IQSEC1: variants seen among roughly 807,000 people sequenced by gnomAD.
The protein encoded by IQSEC1 is IQ motif and SEC7 domain-containing protein 1.
A neutral mutation model predicts 91.0 loss-of-function variants in IQSEC1; 31 were observed. The observed-to-expected ratio is 0.34, with a 90% CI of 0.26 to 0.46. IQSEC1 has a LOEUF of 0.46. Among genes scored for constraint, IQSEC1 ranks in the 20% least tolerant of loss-of-function variants. The pLI, the probability that IQSEC1 is intolerant of heterozygous loss-of-function variation, is 1.00. For synonymous variants in IQSEC1, 699 were observed against 662.6 expected (o/e 1.05, Z -0.84); for missense variants, 1,388 against 1,575.6 (o/e 0.88, Z 2.02).
intron 1 of IQSEC1, among the ~76,000 whole-genome samples, chr3:13,245,314 G>C (rs1695090833): frequency 6.6e-6 from 1 of 152,188 alleles, no homozygotes; most frequent in Non-Finnish European, 1.5e-5. Context: ...CTCTAAGGAA[G>C]AGAGCAGAAC....
chr3:13,155,450 T>C (rs1381534958), intron 2 of IQSEC1, among the ~76,000 whole-genome samples: 1 of 152,220 alleles, frequency 6.6e-6, no homozygotes, highest in Admixed American at 6.5e-5. Context: ...CTGAATGGAC[T>C]CATAACTAAT....
chr3:12,904,229 CAG>C (rs1440923532), intron 12 of IQSEC1, among the ~76,000 whole-genome samples: 11 of 152,204 alleles, frequency 7.2e-5, no homozygotes, highest in African/African-American at 1.7e-4. Flanking sequence ...AGCACAGACT[CAG>C]GGGAGTCCAG....
At chr3:12,980,792 G>A (rs1559695729) in intron 1 of IQSEC1, among the ~76,000 whole-genome samples, 1 of 152,088 alleles carries the variant, frequency 6.6e-6, no homozygotes, top group South Asian at 2.1e-4. Flanking sequence ...TTTGGACCTG[G>A]TGAGCCTCTC....
At chr3:13,138,364 C>T (rs969181974) in intron 2 of IQSEC1, among the ~76,000 whole-genome samples, 1 of 151,964 alleles carries the variant, frequency 6.6e-6, no homozygotes, top group African/African-American at 2.4e-5. Flanking sequence ...CGGTGCCTCC[C>T]GAGAGGAGCG....
intron 2 of IQSEC1, among the ~76,000 whole-genome samples, chr3:13,079,854 G>A (rs558292783): frequency 5.9e-4 from 90 of 152,328 alleles, no homozygotes; most frequent in African/African-American, 2.0e-3. Context: ...TGACTGTTTC[G>A]ATGGAAATGT....
chr3:12,902,609 G>C (rs1694446456), intron 13 of IQSEC1, among the ~76,000 whole-genome samples, 164 bp downstream of exon 13: 1 of 134,354 alleles, frequency 7.4e-6, no homozygotes, highest in Admixed American at 8.2e-5. Context: ...GGGAGTGGGT[G>C]TCTGCATCTC....
chr3:13,089,360 A>T (rs1294855771), intron 2 of IQSEC1, among the ~76,000 whole-genome samples: 2 of 152,334 alleles, frequency 1.3e-5, no homozygotes, highest in African/African-American at 4.8e-5. Flanking sequence ...CTGGAGAATT[A>T]CTTGAGCCCA....
Position 13,020,975 on chromosome 3 carries a change from C to T in IQSEC1, c.23+52017G>A, listed in dbSNP as rs74320990. 4.4e-3 allele frequency among the ~76,000 whole-genome samples: 675 copies of T among 152,280 alleles called. 7 individuals carry two copies. The highest frequency in any genetic ancestry group is 0.014 in the African/African-American group (596 of 41,548). On this transcript the variant is annotated intron_variant, in intron 1 of 13. Transcript: ENST00000613206. ...GCAAAAAGGAAGGAAGGAAGGAATG[C>T]TTATAAAGTTTATACACCAGAGAGT...
At chr3:12,958,341 C>G (rs890063326) in intron 1 of IQSEC1, among the ~76,000 whole-genome samples, 1 of 152,202 alleles carries the variant, frequency 6.6e-6, no homozygotes, top group Admixed American at 6.5e-5. Context: ...CAGAGCTCTT[C>G]CCCGGCAACT....
intron 1 of IQSEC1, among the ~76,000 whole-genome samples, chr3:13,273,181 G>C (rs1695616830): frequency 1.3e-5 from 2 of 152,176 alleles, no homozygotes; most frequent in Non-Finnish European, 2.9e-5. Context: ...GGAGGGAGCT[G>C]GGATTCAGGC....
chr3:12,951,793 G>C (rs556317000), intron 1 of IQSEC1, among the ~76,000 whole-genome samples: 5 of 152,268 alleles, frequency 3.3e-5, no homozygotes, highest in Admixed American at 1.3e-4. Flanking sequence ...GAGGAGGAGG[G>C]GTGAGGTCGC....
At chr3:13,143,719 G>A (rs1706838895) in intron 2 of IQSEC1, among the ~76,000 whole-genome samples, 1 of 152,162 alleles carries the variant, frequency 6.6e-6, no homozygotes, top group Admixed American at 6.5e-5. Context: ...GGCTGTGGGT[G>A]CCGCCTCATC....
chr3:12,953,321 C>T (rs928413961), intron 1 of IQSEC1, among the ~76,000 whole-genome samples: 7 of 152,200 alleles, frequency 4.6e-5, no homozygotes, highest in Admixed American at 1.3e-4. Context: ...GCTGATTGTC[C>T]GGTTGCCTCC....
chr3:13,140,728 G>A (rs182024712), intron 2 of IQSEC1, among the ~76,000 whole-genome samples: 1 of 152,208 alleles, frequency 6.6e-6, no homozygotes, highest in Admixed American at 6.5e-5. Flanking sequence ...CCATGTTGCA[G>A]GGCTGACCTC....
At chr3:13,069,391 G>GCA (rs55747915) in intron 1 of IQSEC1, among the ~76,000 whole-genome samples, 1 of 36,088 alleles carries the variant, frequency 2.8e-5, no homozygotes, top group African/African-American at 1.1e-4. Context: ...TTTCTTGGAG[G>GCA]TGTGTGTGTG....
chr3:12,941,406 G>A (rs901919928), intron 2 of IQSEC1, among the ~76,000 whole-genome samples, 165 bp downstream of exon 2: 2 of 152,272 alleles, frequency 1.3e-5, no homozygotes, highest in African/African-American at 4.8e-5. Flanking sequence ...CCTGAGAGCA[G>A]CTACAGGTGG....
intron 2 of IQSEC1, among the ~76,000 whole-genome samples, chr3:13,113,397 C>CCT (rs1472382652): frequency 6.6e-6 from 1 of 152,222 alleles, no homozygotes; most frequent in Non-Finnish European, 1.5e-5. Flanking sequence ...CCTCTCTGGG[C>CCT]CTCAGCCTGT....
intron 1 of IQSEC1, among the ~76,000 whole-genome samples, chr3:13,170,863 G>T (rs1693593896): frequency 6.6e-6 from 1 of 152,170 alleles, no homozygotes; most frequent in African/African-American, 2.4e-5. Context: ...ACTTTGGGAG[G>T]CCGAGGTGGG....
At position 12,900,465 on chromosome 3, in the gene IQSEC1, A is replaced by G. The variant is rs995868873; in HGVS notation, c.*518T>C. 3 of 657,480 alleles carry G rather than the reference A, an allele frequency of 4.6e-6. No homozygotes were observed. Among genetic ancestry groups the G allele is most frequent in the African/African-American group, 2.0e-5 (1 of 50,088 alleles). The allele number at this position is 657,480 out of a possible 1,614,324, so 40.7% of individuals were successfully genotyped here. A position where few individuals can be genotyped will look rare whatever the true frequency, so the allele number is the denominator to read the frequency against. The stretch of plus-strand genomic sequence containing the variant: ...CTACCTATACAGTATATATATATAT[A>G]TATTTATATATTTATATATTTATAT... On this transcript the variant is annotated 3_prime_UTR_variant, in exon 14 of 14. Coordinates refer to ENST00000613206, the MANE Select transcript of IQSEC1 (RefSeq NM_001134382.3).
Sources: allele counts gnomAD v4.1 joint callset (sites outside exome capture counted in the v4.1 genomes callset), GRCh38; gene constraint gnomAD v4.1.1; transcripts MANE v1.5; gene names NCBI Gene and HGNC (gene_info 2026-07-23, HGNC 2026-07-21).